Variants in CSMD3 observed in about 807,000 individuals in gnomAD.
CSMD3 encodes the protein CUB and Sushi multiple domains 3.
In CSMD3, 177 loss-of-function variants were observed where a neutral mutation model predicts 435.2. The observed-to-expected ratio is 0.41, with a 90% CI of 0.36 to 0.46. The LOEUF (loss-of-function observed/expected upper bound fraction) is 0.46, where lower values mean the gene tolerates loss of function less well. CSMD3 is among the 20% of genes least tolerant of loss of function. The probability of loss-of-function intolerance (pLI) is 0.34; values close to 1 mark genes in which losing one functional copy is unlikely to be tolerated. For synonymous variants in CSMD3, 1,656 were observed against 1,520.5 expected (o/e 1.09, Z -2.07); for missense variants, 4,265 against 4,504.6 (o/e 0.95, Z 1.52).
At chr8:113,207,295 A>G (rs1367194630) in intron 3 of CSMD3, among the ~76,000 whole-genome samples, 1 of 151,736 alleles carries the variant, frequency 6.6e-6, no homozygotes, top group Non-Finnish European at 1.5e-5. Flanking sequence ...TGTCTATTAC[A>G]ATTTATTAAA....
At chr8:112,995,033 CAT>C (rs1286717202) in intron 6 of CSMD3, among the ~76,000 whole-genome samples, 1 of 151,308 alleles carries the variant, frequency 6.6e-6, no homozygotes, top group African/African-American at 2.4e-5. Flanking sequence ...TTCTATAAAA[CAT>C]ATTTTCTAGA....
At chr8:113,244,196 G>T (rs1208871638) in intron 3 of CSMD3, among the ~76,000 whole-genome samples, 2 of 152,110 alleles carry the variant, frequency 1.3e-5, no homozygotes, top group East Asian at 3.9e-4. Context: ...AATTCCTTGT[G>T]CTTTTGGTAT....
intron 3 of CSMD3, among the ~76,000 whole-genome samples, chr8:113,190,117 A>T (rs990087866): frequency 6.6e-6 from 1 of 151,656 alleles, no homozygotes; most frequent in East Asian, 1.9e-4. Context: ...CAAAAAACAC[A>T]ATTACTTTTG....
intron 1 of CSMD3, among the ~76,000 whole-genome samples, chr8:113,343,228 G>A (rs544726343): frequency 2.0e-4 from 31 of 152,182 alleles, no homozygotes; most frequent in Non-Finnish European, 3.7e-4. Context: ...AAAATCTTCT[G>A]AAGGTAATTT....
At chr8:112,395,550 C>T (rs1830787042) in intron 35 of CSMD3, among the ~76,000 whole-genome samples, 2 of 152,086 alleles carry the variant, frequency 1.3e-5, no homozygotes, top group Admixed American at 6.6e-5. Context: ...CTTTCTGGGT[C>T]TCTAAAGAAC....
intron 1 of CSMD3, among the ~76,000 whole-genome samples, chr8:113,393,436 C>T (rs1364551724): frequency 1.3e-5 from 2 of 152,030 alleles, no homozygotes; most frequent in African/African-American, 4.8e-5. Flanking sequence ...GAAAGAAGCA[C>T]TTAACCTGAA....
At chr8:112,463,289 G>T (rs141793729) in intron 32 of CSMD3, among the ~76,000 whole-genome samples, 4 of 152,186 alleles carry the variant, frequency 2.6e-5, no homozygotes, top group African/African-American at 9.6e-5. Flanking sequence ...TTGAACCCAA[G>T]AGGCAGAGGT....
In CSMD3 at chr8:112,229,024, T is replaced by C. The variant is rs577434067; in HGVS notation, c.10829-133A>G. 31 of 629,478 alleles carry C rather than the reference T, an allele frequency of 4.9e-5. 1 individual carries two copies. The highest frequency in any genetic ancestry group is 3.6e-4 in the South Asian group (18 of 50,350). 39.0% of individuals were successfully genotyped at this position (629,478 alleles called of 1,614,324 possible). A position where few individuals can be genotyped will look rare whatever the true frequency, so the allele number is the denominator to read the frequency against. The stretch of plus-strand genomic sequence containing the variant: ...TCACATAGTAAACAAAAATAATTCA[T>C]GAAACTCCTTCAACTCATTTCACAT... On this transcript the variant is annotated intron_variant, in intron 69 of 70. Transcript: ENST00000297405.
chr8:113,028,433 C>T (rs752533501), intron 5 of CSMD3, among the ~76,000 whole-genome samples: 2 of 151,372 alleles, frequency 1.3e-5, no homozygotes, highest in African/African-American at 4.8e-5. Flanking sequence ...GGAAGAGTCA[C>T]ATGTCTCTCA....
rs932169164 is a variant in CSMD3 at position 113,099,092 on chromosome 8, A to G, written c.710-129T>C. The G allele has an allele frequency of 2.2e-5, 15 of 678,240 alleles. No individual in the cohort carries two copies. The South Asian group carries it at 2.2e-4, about 10-fold the overall frequency. 42.0% of individuals were successfully genotyped at this position (678,240 alleles called of 1,614,324 possible). A position where few individuals can be genotyped will look rare whatever the true frequency, so the allele number is the denominator to read the frequency against. ...AAATGTGATACCAAGTGCATAATAT[A>G]CTAATAGAGATTAAATAAAATGAGA... On this transcript the variant is annotated intron_variant, in intron 4 of 70. Transcript: ENST00000297405.
intron 5 of CSMD3, among the ~76,000 whole-genome samples, chr8:113,027,536 T>C (rs1426863756): frequency 1.3e-5 from 2 of 152,156 alleles, no homozygotes; most frequent in Non-Finnish European, 2.9e-5. Context: ...GACTGTGCTA[T>C]TGATTAGGTA....
At chr8:112,749,723 G>C (rs969889382) in intron 13 of CSMD3, among the ~76,000 whole-genome samples, 4 of 152,112 alleles carry the variant, frequency 2.6e-5, no homozygotes, top group African/African-American at 9.7e-5. Context: ...AAAATATTCA[G>C]TGGTTTTATT....
intron 3 of CSMD3, among the ~76,000 whole-genome samples, chr8:113,181,330 T>A (rs2092418932): frequency 6.6e-6 from 1 of 152,068 alleles, no homozygotes; most frequent in African/African-American, 2.4e-5. Context: ...ACCAAACACA[T>A]ACACATTTAT....
intron 53 of CSMD3, among the ~76,000 whole-genome samples, chr8:112,299,809 CT>C (rs1356569301): frequency 6.6e-6 from 1 of 151,954 alleles, no homozygotes; most frequent in African/African-American, 2.4e-5. Flanking sequence ...TACCAACATC[CT>C]TTTGCATTTC....
chr8:112,642,518 A>G (rs1458136014), intron 20 of CSMD3, among the ~76,000 whole-genome samples: 1 of 152,126 alleles, frequency 6.6e-6, no homozygotes, highest in African/African-American at 2.4e-5. Context: ...TATTTCTTAA[A>G]TATTTAGATA....
At chr8:113,174,386 T>A (rs759028758) in intron 3 of CSMD3, among the ~76,000 whole-genome samples, 3 of 152,026 alleles carry the variant, frequency 2.0e-5, no homozygotes, top group Non-Finnish European at 4.4e-5. Flanking sequence ...AAAAATACAG[T>A]GGAGTAGTAA....
intron 3 of CSMD3, among the ~76,000 whole-genome samples, chr8:113,191,906 G>C (rs1440985950): frequency 6.6e-6 from 1 of 151,804 alleles, no homozygotes; most frequent in Non-Finnish European, 1.5e-5. Context: ...AGCCTTGCCA[G>C]CATCTGTTAT....
chr8:113,407,139 A>T (rs1002006292), intron 1 of CSMD3, among the ~76,000 whole-genome samples: 1 of 152,178 alleles, frequency 6.6e-6, no homozygotes, highest in Non-Finnish European at 1.5e-5. Context: ...AAATAAGGCA[A>T]ATATGAAGTC....
chr8:112,829,824 C>A lies in CSMD3; in HGVS notation c.1756-35G>T, dbSNP rs374039497. ...AACAGAAACATGCACCTTAAATATA[C>A]TGCGTTGTGCAATAAAAACAACAAA... is the stretch of plus-strand genomic sequence containing the variant. On this transcript the variant is annotated intron_variant, in intron 11 of 70. Coordinates refer to ENST00000297405, the MANE Select transcript of CSMD3 (RefSeq NM_198123.2). The A allele has an allele frequency of 9.7e-6, 11 of 1,132,680 alleles. No homozygotes were observed. The African/African-American group carries it at 1.7e-4, about 17-fold the overall frequency. 70.2% of individuals were successfully genotyped at this position (1,132,680 alleles called of 1,614,324 possible).
Sources: gnomAD v4.1 joint callset for allele counts (sites outside exome capture counted in the v4.1 genomes callset) on GRCh38, gnomAD v4.1.1 for gene constraint, MANE v1.5 for transcripts, NCBI Gene and HGNC (gene_info 2026-07-23, HGNC 2026-07-21) for gene names.